The following CXCL13 variants were observed in gnomAD, a reference collection of about 807,000 sequenced individuals.
The protein encoded by CXCL13 is C-X-C motif chemokine ligand 13.
In CXCL13, 7 loss-of-function variants were observed where a neutral mutation model predicts 12.2. The observed-to-expected ratio is 0.57, with a 90% CI of 0.33 to 1.07. The LOEUF (loss-of-function observed/expected upper bound fraction) is 1.07, where lower values mean the gene tolerates loss of function less well. Ranked by LOEUF, CXCL13 falls within the 50% of genes least tolerant of loss-of-function variation. The pLI, the probability that CXCL13 is intolerant of heterozygous loss-of-function variation, is 0.04. For synonymous variants in CXCL13, 47 were observed against 42.4 expected (o/e 1.11, Z -0.42); for missense variants, 113 against 127.4 (o/e 0.89, Z 0.55).
intron 1 of CXCL13, among the ~76,000 whole-genome samples, chr4:77,596,930 C>T (rs751383133): frequency 2.0e-5 from 3 of 152,040 alleles, no homozygotes; most frequent in South Asian, 2.1e-4. Flanking sequence ...GATGGAAGAA[C>T]GGGTAAAGAA....
intron 1 of CXCL13, among the ~76,000 whole-genome samples, chr4:77,539,531 G>A (rs1725150526): frequency 6.6e-6 from 1 of 152,232 alleles, no homozygotes; most frequent in Non-Finnish European, 1.5e-5. Flanking sequence ...CCGCATGGCA[G>A]TGGCCTGCTA....
intron 1 of CXCL13, among the ~76,000 whole-genome samples, chr4:77,530,674 T>C (rs1021844867): frequency 7.2e-5 from 11 of 152,326 alleles, no homozygotes; most frequent in African/African-American, 2.6e-4. Context: ...TTTTCTTCTT[T>C]ATTAGTATTG....
chr4:77,570,442 G>T (rs1270175963), intron 1 of CXCL13, among the ~76,000 whole-genome samples: 2 of 152,160 alleles, frequency 1.3e-5, no homozygotes, highest in East Asian at 3.9e-4. Context: ...CTAAAAAGTG[G>T]GCAAAGGGCT....
At chr4:77,523,022 T>C (rs998100722) in intron 1 of CXCL13, among the ~76,000 whole-genome samples, 7 of 152,234 alleles carry the variant, frequency 4.6e-5, no homozygotes, top group Admixed American at 6.5e-5. Flanking sequence ...TCTTTAAGAA[T>C]GTTGAATATT....
chr4:77,532,677 G>A (rs187931182), intron 1 of CXCL13, among the ~76,000 whole-genome samples: 1 of 152,264 alleles, frequency 6.6e-6, no homozygotes. Flanking sequence ...TCACTTTCAG[G>A]TACACCAATC....
intron 1 of CXCL13, among the ~76,000 whole-genome samples, chr4:77,528,257 A>G (rs1724817732): frequency 6.6e-6 from 1 of 152,192 alleles, no homozygotes; most frequent in Admixed American, 6.5e-5. Context: ...ATGTGTCTTT[A>G]TAGCAGCATG....
At chr4:77,601,037 C>T (rs1393649693), upstream of CXCL13, among the ~76,000 whole-genome samples, 1 of 152,148 alleles carries the variant, frequency 6.6e-6, no homozygotes, top group East Asian at 1.9e-4. Flanking sequence ...TTTTCCTTCC[C>T]GCAAACTGTT....
intron 1 of CXCL13, among the ~76,000 whole-genome samples, chr4:77,572,773 A>T (rs1320624704): frequency 6.6e-6 from 1 of 151,938 alleles, no homozygotes; most frequent in Non-Finnish European, 1.5e-5. Flanking sequence ...TATTATAAAG[A>T]CACATGCACA....
chr4:77,544,671 A>G (rs1209637505), intron 1 of CXCL13, among the ~76,000 whole-genome samples: 5 of 152,168 alleles, frequency 3.3e-5, no homozygotes, highest in African/African-American at 1.2e-4. Flanking sequence ...GGTAGATTGC[A>G]AAAATTTTCT....
chr4:77,574,591 A>C (rs1375966797), intron 1 of CXCL13, among the ~76,000 whole-genome samples: 1 of 151,868 alleles, frequency 6.6e-6, no homozygotes, highest in Non-Finnish European at 1.5e-5. Flanking sequence ...CTTTTATTTA[A>C]ATTTTTAAAA....
At chr4:77,590,724 CTT>C (rs1452806255) in intron 1 of CXCL13, among the ~76,000 whole-genome samples, 1 of 152,198 alleles carries the variant, frequency 6.6e-6, no homozygotes, top group Admixed American at 6.5e-5. Flanking sequence ...TTACAATAGT[CTT>C]ATAAATTCAA....
intron 1 of CXCL13, among the ~76,000 whole-genome samples, chr4:77,555,456 T>TG (rs1158078870): frequency 3.9e-5 from 6 of 152,168 alleles, no homozygotes; most frequent in African/African-American, 1.4e-4. Flanking sequence ...CTTGAACCAC[T>TG]GGATGCCTAT....
At chr4:77,607,664 C>T (rs748964076) in intron 1 of CXCL13, 39 bp from the exon 2 acceptor site, 13 of 1,564,842 alleles carry the variant, frequency 8.3e-6, no homozygotes, top group East Asian at 2.3e-5. Flanking sequence ...GAATTACATG[C>T]CAATGGATTA....
At chr4:77,554,251 A>C (rs1159131481) in intron 1 of CXCL13, among the ~76,000 whole-genome samples, 1 of 152,062 alleles carries the variant, frequency 6.6e-6, no homozygotes, top group Non-Finnish European at 1.5e-5. Flanking sequence ...AATATGTTCA[A>C]ATTTTTAAAA....
At chr4:77,553,269 T>A (rs925136670) in intron 1 of CXCL13, among the ~76,000 whole-genome samples, 1 of 152,208 alleles carries the variant, frequency 6.6e-6, no homozygotes, top group Non-Finnish European at 1.5e-5. Flanking sequence ...CTTTTCACAG[T>A]TCTGGCTGTG....
intron 1 of CXCL13, among the ~76,000 whole-genome samples, chr4:77,515,963 T>C (rs1179132248): frequency 1.3e-5 from 2 of 152,204 alleles, no homozygotes; most frequent in South Asian, 2.1e-4. Context: ...ATAGCTCTTA[T>C]TGTTTTGAGA....
rs554756814 is a variant in CXCL13 at position 77,556,878 on chromosome 4, G to T, written c.-43+45090G>T. On this transcript the variant is annotated intron_variant, in intron 1 of 4. Coordinates refer to the CXCL13 transcript ENST00000286758. Reference sequence around the variant, plus strand: ...CAAAAAAAATTAAAATATCAGCCAGGCGTGGGGGCACACACCTGTATTCCC... The same window carrying T: ...CAAAAAAAATTAAAATATCAGCCAGTCGTGGGGGCACACACCTGTATTCCC... Among the ~76,000 whole-genome samples, 6 of 152,158 alleles carry T rather than the reference G, an allele frequency of 3.9e-5. No individual in the cohort carries two copies. The South Asian group carries it at 1.2e-3, about 32-fold the overall frequency.
At chr4:77,539,060 CTT>C (rs34238488) in intron 1 of CXCL13, among the ~76,000 whole-genome samples, 2,814 of 141,684 alleles carry the variant, frequency 0.02, 99 homozygotes, top group African/African-American at 0.067. Flanking sequence ...CTAATTTGAC[CTT>C]TTTTTTTTTT....
At chr4:77,566,790 A>G (rs1034738987) in intron 1 of CXCL13, among the ~76,000 whole-genome samples, 8 of 152,194 alleles carry the variant, frequency 5.3e-5, no homozygotes, top group African/African-American at 1.9e-4. Flanking sequence ...TCACTACAAA[A>G]CGTAACAACA....
Sources: gnomAD v4.1 joint callset for allele counts (sites outside exome capture counted in the v4.1 genomes callset) on GRCh38, gnomAD v4.1.1 for gene constraint, MANE v1.5 for transcripts, NCBI Gene and HGNC (gene_info 2026-07-23, HGNC 2026-07-21) for gene names.